Variants in RCSD1 observed in about 807,000 individuals in gnomAD.
The protein encoded by RCSD1 is capZ-interacting protein.
A neutral mutation model predicts 42.5 loss-of-function variants in RCSD1; 26 were observed. The observed-to-expected ratio is 0.61, with a 90% CI of 0.45 to 0.85. RCSD1 has a LOEUF of 0.85. Ranked by LOEUF, RCSD1 falls within the 40% of genes least tolerant of loss-of-function variation. The probability of loss-of-function intolerance (pLI) is 0.00; values close to 1 mark genes in which losing one functional copy is unlikely to be tolerated. For synonymous variants in RCSD1, 220 were observed against 212.2 expected, an observed-to-expected ratio of 1.04 and a Z score of -0.32; for missense variants, 571 against 528.3, an observed-to-expected ratio of 1.08 and a Z score of -0.79.
chr1:167,690,564 C>T (rs1659350953), intron 4 of RCSD1, among the ~76,000 whole-genome samples: 1 of 152,140 alleles, frequency 6.6e-6, no homozygotes, highest in South Asian at 2.1e-4. Flanking sequence ...GTCCCAGCTA[C>T]TCTGAAGACC....
intron 6 of RCSD1, among the ~76,000 whole-genome samples, chr1:167,698,243 A>G (rs1481124077): frequency 6.6e-6 from 1 of 152,206 alleles, no homozygotes; most frequent in Admixed American, 6.5e-5. Context: ...TCTAAAAATC[A>G]TCTCAGTTTA....
At chr1:167,673,600 GA>G (rs1263574590) in intron 1 of RCSD1, among the ~76,000 whole-genome samples, 2 of 152,218 alleles carry the variant, frequency 1.3e-5, no homozygotes, top group Non-Finnish European at 2.9e-5. Context: ...TGAGACTCAA[GA>G]AATCAAGTGA....
intron 1 of RCSD1, among the ~76,000 whole-genome samples, chr1:167,638,638 C>T (rs994127801): frequency 6.6e-6 from 1 of 152,212 alleles, no homozygotes. Context: ...CAGCTCAAGG[C>T]TTGGTGCTTG....
intron 1 of RCSD1, among the ~76,000 whole-genome samples, chr1:167,683,207 T>C (rs1440445210): frequency 6.6e-6 from 1 of 152,208 alleles, no homozygotes; most frequent in Non-Finnish European, 1.5e-5. Context: ...GCATTTGCAA[T>C]GAGCCAGGCC....
At chr1:167,692,026 G>A (rs1015192901) in intron 4 of RCSD1, among the ~76,000 whole-genome samples, 1 of 152,140 alleles carries the variant, frequency 6.6e-6, no homozygotes, top group Non-Finnish European at 1.5e-5. Context: ...CAAATGTTCT[G>A]TACCCTGTAG....
At chr1:167,674,716 A>G (rs1658897976) in intron 1 of RCSD1, among the ~76,000 whole-genome samples, 1 of 152,250 alleles carries the variant, frequency 6.6e-6, no homozygotes, top group Non-Finnish European at 1.5e-5. Flanking sequence ...TAACAATGAA[A>G]TCACATAATA....
At chr1:167,668,111 T>A (rs1427656391) in intron 1 of RCSD1, among the ~76,000 whole-genome samples, 1 of 152,046 alleles carries the variant, frequency 6.6e-6, no homozygotes, top group African/African-American at 2.4e-5. Context: ...GCCAACATAG[T>A]GAAACCCCCG....
intron 1 of RCSD1, among the ~76,000 whole-genome samples, chr1:167,635,330 T>C (rs1462846789): frequency 6.6e-6 from 1 of 152,112 alleles, no homozygotes; most frequent in East Asian, 1.9e-4. Flanking sequence ...GGCTCCCGCG[T>C]GTTCTGTGGG....
chr1:167,701,296 CTTTCTTTCTTTCTTTCTTTCTTTT>C (rs1324793255), intron 6 of RCSD1, among the ~76,000 whole-genome samples: 7 of 147,612 alleles, frequency 4.7e-5, no homozygotes, highest in East Asian at 3.9e-4. Context: ...TTCTTTCTTT[CTTTCTTTCTTTCTTTCTTTCTTTT>C]TTTTAGATGG....
chr1:167,691,267 C>T (rs1253926681), intron 4 of RCSD1, among the ~76,000 whole-genome samples: 3 of 152,294 alleles, frequency 2.0e-5, no homozygotes, highest in African/African-American at 7.2e-5. Flanking sequence ...TTGTCTCCCA[C>T]CCCAGATCCC....
At chr1:167,650,567 G>A (rs1658276263) in intron 1 of RCSD1, among the ~76,000 whole-genome samples, 1 of 152,190 alleles carries the variant, frequency 6.6e-6, no homozygotes, top group African/African-American at 2.4e-5. Flanking sequence ...GGAGGCCTGT[G>A]CTCTCTAACC....
chr1:167,647,226 G>T lies in RCSD1; in HGVS notation c.6+16797G>T, dbSNP rs193110864. Among the ~76,000 whole-genome samples the T allele has an allele frequency of 1.3e-3, 195 of 152,012 alleles. 3 individuals carry two copies. The highest frequency in any genetic ancestry group is 7.5e-3 in the Admixed American group (115 of 15,250). On this transcript the variant is annotated intron_variant, in intron 1 of 6. Coordinates refer to ENST00000367854, the MANE Select transcript of RCSD1 (RefSeq NM_052862.4). ...GCTTTTAGTGTTAATCAGGCTGCAG[G>T]TTCCACAGCAAGCAATTTATAACCC...
At chr1:167,690,724 G>A (rs796316258) in intron 4 of RCSD1, among the ~76,000 whole-genome samples, 4 of 152,000 alleles carry the variant, frequency 2.6e-5, no homozygotes, top group African/African-American at 9.7e-5. Flanking sequence ...CACCATAGTT[G>A]CCATAAACAC....
At position 167,694,261 on chromosome 1, in the gene RCSD1, G is replaced by A. The variant is rs145248380; in HGVS notation, c.433G>A (p.Asp145Asn). ...SEAEEVPVSF[D>N]QPPEGSHLPC... ...GGCAGAGGAGGTGCCTGTCAGCTTC[G>A]ACCAGCCCCCTGAAGGCAGTCATCT... is the stretch of plus-strand genomic sequence containing the variant. The change falls in exon 5 of 7, where the codon GAC (aspartate) becomes AAC (asparagine). Residue 145 changes from aspartate (D) to asparagine (N), a missense_variant. Physicochemically the swap from Asp to Asn is conservative, Grantham distance 23. Transcript: ENST00000367854. 4.2e-5 allele frequency: 68 copies of A among 1,614,044 alleles called. No homozygotes were observed. The highest frequency in any genetic ancestry group is 5.5e-5 in the Non-Finnish European group (65 of 1,180,044).
rs78289721 is a variant in RCSD1, at chr1:167,665,498, G to A, written c.7-18402G>A. Among the ~76,000 whole-genome samples the A allele has an allele frequency of 3.1e-4, 47 of 152,264 alleles. No homozygotes were observed. The East Asian group carries it at 9.1e-3, about 29-fold the overall frequency. Reference sequence around the variant, plus strand: ...CAAATACAAGTAAGATTGTTGGTAGGTGTAGTGTAGGTGTATGCTTAACTT... The same window carrying A: ...CAAATACAAGTAAGATTGTTGGTAGATGTAGTGTAGGTGTATGCTTAACTT... On this transcript the variant is annotated intron_variant, in intron 1 of 6. Transcript: ENST00000367854.
intron 1 of RCSD1, among the ~76,000 whole-genome samples, chr1:167,661,219 T>C (rs897941790): frequency 6.6e-6 from 1 of 152,238 alleles, no homozygotes; most frequent in Admixed American, 6.5e-5. Flanking sequence ...CATCCCCATT[T>C]TACAGAGGAA....
chr1:167,662,772 A>C (rs1004030183), intron 1 of RCSD1, among the ~76,000 whole-genome samples: 1 of 152,160 alleles, frequency 6.6e-6, no homozygotes, highest in African/African-American at 2.4e-5. Flanking sequence ...GGAAGAGCTG[A>C]GTGTGAAGAT....
At chr1:167,700,771 C>T (rs532451338) in intron 6 of RCSD1, among the ~76,000 whole-genome samples, 1 of 152,230 alleles carries the variant, frequency 6.6e-6, no homozygotes, top group East Asian at 1.9e-4. Flanking sequence ...CAAATACATG[C>T]CCCAATCTGT....
rs914212326 is a variant in RCSD1 at position 167,707,361 on chromosome 1, G to A, written c.*2665G>A. Reference sequence around the variant, plus strand: ...TTATGATTAGGTTTTCTTGATTAGGGATGTGTTTAGTACAGCTGAATGAAC... The same window carrying A: ...TTATGATTAGGTTTTCTTGATTAGGAATGTGTTTAGTACAGCTGAATGAAC... On this transcript the variant is annotated 3_prime_UTR_variant, in exon 7 of 7. Transcript: ENST00000367854. 2.6e-5 allele frequency among the ~76,000 whole-genome samples: 4 copies of A among 152,206 alleles called. No homozygotes were observed. Among genetic ancestry groups the A allele is most frequent in the African/African-American group, 9.7e-5 (4 of 41,448 alleles).
Sources: gnomAD v4.1 joint callset for allele counts (sites outside exome capture counted in the v4.1 genomes callset) on GRCh38, gnomAD v4.1.1 for gene constraint, MANE v1.5 for transcripts, NCBI Gene and HGNC (gene_info 2026-07-23, HGNC 2026-07-21) for gene names.